NBAS: variants seen among roughly 807,000 people sequenced by gnomAD.
The protein encoded by NBAS is NBAS subunit of NRZ tethering complex, also known as NAG/BC035112 fusion.
In NBAS, 219 loss-of-function variants were observed where a neutral mutation model predicts 302.5. The ratio of observed to expected loss-of-function variants is 0.72; its 90% confidence interval spans 0.65 to 0.81. NBAS has a LOEUF of 0.81. Ranked by LOEUF, NBAS falls within the 30% of genes least tolerant of loss-of-function variation. The pLI is 0.00. For missense variants in NBAS, 2,932 were observed against 2,841.6 expected (o/e 1.03, Z -0.72); for synonymous variants, 1,118 against 1,021.6 (o/e 1.09, Z -1.80).
At chr2:14,833,303 C>T in the NBAS span, among the ~76,000 whole-genome samples, 2 of 152,116 alleles carry the variant, frequency 1.3e-5, no homozygotes, top group South Asian at 4.2e-4. Context: ...TCCCACTTGC[C>T]AGGGCAGGGT....
chr2:15,504,201 G>T lies in NBAS; in HGVS notation c.898C>A (p.Leu300Met). The T allele has an allele frequency of 6.2e-7, 1 of 1,612,334 alleles. No individual in the cohort carries two copies. Among genetic ancestry groups the T allele is most frequent in the South Asian group, 1.1e-5 (1 of 91,050 alleles). ...ACACTTAACATCCTTAATAATCCCA[G>T]TGTCTTCGGTACCTGCAAAATAAAT... ...GDGVTAVPKT[L>M]GLLRMLSVKF... The change falls in exon 11 of 52, where the codon CTG becomes ATG. Residue 300 changes from leucine (L) to methionine (M), a missense_variant. By Grantham distance (15) the Leu-to-Met change is conservative. Coordinates refer to ENST00000281513, the MANE Select transcript of NBAS (RefSeq NM_015909.4).
At chr2:15,522,141 C>G (rs13384185) in intron 9 of NBAS, among the ~76,000 whole-genome samples, 3,947 of 152,234 alleles carry the variant, frequency 0.026, 187 homozygotes, top group African/African-American at 0.091. Flanking sequence ...AGTAAATGAT[C>G]AGAGTAGTAC....
chr2:15,557,340 G>A (rs1026071914), intron 2 of NBAS, among the ~76,000 whole-genome samples: 2 of 151,932 alleles, frequency 1.3e-5, no homozygotes, highest in Non-Finnish European at 2.9e-5. Flanking sequence ...TATGCAGTTA[G>A]GTATATATCA....
intron 30 of NBAS, among the ~76,000 whole-genome samples, chr2:15,375,687 A>G (rs1370107062): frequency 6.6e-6 from 1 of 152,226 alleles, no homozygotes; most frequent in South Asian, 2.1e-4. Flanking sequence ...AATAAATTCT[A>G]AATTACAAAT....
chr2:15,243,859 A>T (rs1667969984), intron 44 of NBAS, among the ~76,000 whole-genome samples: 1 of 152,168 alleles, frequency 6.6e-6, no homozygotes, highest in Non-Finnish European at 1.5e-5. Flanking sequence ...CTAATTCTAG[A>T]CCCCATGAGT....
the NBAS span, among the ~76,000 whole-genome samples, chr2:14,926,537 G>C: frequency 2.6e-5 from 4 of 152,188 alleles, no homozygotes; most frequent in Admixed American, 1.3e-4. Flanking sequence ...GTATGAAATA[G>C]AGGATCAATA....
intron 6 of NBAS, among the ~76,000 whole-genome samples, chr2:15,548,773 C>T (rs1434225530): frequency 6.6e-6 from 1 of 151,210 alleles, no homozygotes; most frequent in South Asian, 2.1e-4. Context: ...GGAGGAGAGC[C>T]GATGCTTGAT....
At chr2:14,830,471 A>C in the NBAS span, among the ~76,000 whole-genome samples, 1 of 152,124 alleles carries the variant, frequency 6.6e-6, no homozygotes, top group Non-Finnish European at 1.5e-5. Flanking sequence ...TTGGTTTTGC[A>C]AGTTAGGAAG....
the NBAS span, among the ~76,000 whole-genome samples, chr2:14,962,833 C>T: frequency 6.6e-6 from 1 of 151,770 alleles, no homozygotes; most frequent in Non-Finnish European, 1.5e-5. Flanking sequence ...TCATAAAAGG[C>T]TTGTAATAAA....
At chr2:15,464,076 C>A (rs920929803) in intron 19 of NBAS, among the ~76,000 whole-genome samples, 1 of 152,092 alleles carries the variant, frequency 6.6e-6, no homozygotes, top group Non-Finnish European at 1.5e-5. Flanking sequence ...ACATCGGGCT[C>A]ATCACACCAC....
chr2:14,894,418 TTGAC>T, the NBAS span, among the ~76,000 whole-genome samples: 1 of 152,190 alleles, frequency 6.6e-6, no homozygotes, highest in East Asian at 1.9e-4. Flanking sequence ...TCTGATATGT[TTGAC>T]TGCATTGACA....
chr2:15,281,594 A>G lies in NBAS; in HGVS notation c.5139-4493T>C, dbSNP rs528749440. Among the ~76,000 whole-genome samples, 11 of 152,278 alleles carry G rather than the reference A, an allele frequency of 7.2e-5. No homozygotes were observed. In the South Asian group the frequency reaches 2.1e-3, roughly 29 times the overall value. On this transcript the variant is annotated intron_variant, in intron 42 of 51. Coordinates refer to ENST00000281513, the MANE Select transcript of NBAS (RefSeq NM_015909.4). ...CAGGTATTCTGAATAAATCTCTTCA[A>G]TCTCACAGCAGTTCTGCAAAATGGG...
intron 19 of NBAS, among the ~76,000 whole-genome samples, chr2:15,466,205 A>G (rs750542751): frequency 2.6e-5 from 4 of 152,172 alleles, no homozygotes; most frequent in Non-Finnish European, 4.4e-5. Flanking sequence ...ATTTGCCTGC[A>G]TGGTCAGACG....
intron 21 of NBAS, among the ~76,000 whole-genome samples, chr2:15,440,605 T>TCC (rs1678331920): frequency 1.3e-5 from 2 of 152,114 alleles, no homozygotes; most frequent in African/African-American, 4.8e-5. Flanking sequence ...AGAGCAACTC[T>TCC]CCTCCTCCAA....
rs373212115 is a variant in NBAS at position 15,402,321 on chromosome 2, T to C, written c.2938-20A>G. ...CTGCAGCTACAGAAAATAAAGTATG[T>C]TGTACTAAATGTCAACAGATTTATA... is the stretch of plus-strand genomic sequence containing the variant. On this transcript the variant is annotated intron_variant, in intron 25 of 51. Transcript: ENST00000281513. 5.6e-6 allele frequency: 9 copies of C among 1,612,570 alleles called. No individual in the cohort carries two copies. Among genetic ancestry groups the C allele is most frequent in the African/African-American group, 2.7e-5 (2 of 74,876 alleles).
chr2:14,921,552 A>G, the NBAS span, among the ~76,000 whole-genome samples: 8 of 152,242 alleles, frequency 5.3e-5, no homozygotes, highest in Non-Finnish European at 7.3e-5. Flanking sequence ...AAATGCAAAC[A>G]CCTGGGAGCT....
At chr2:15,067,242 G>A in the NBAS span, among the ~76,000 whole-genome samples, 1 of 151,592 alleles carries the variant, frequency 6.6e-6, no homozygotes, top group African/African-American at 2.4e-5. Context: ...CTACTCAGGA[G>A]GCTGATGGGG....
intron 40 of NBAS, 61 bp from the exon 41 acceptor site, chr2:15,292,827 T>TAAC (rs370666934): frequency 9.6e-4 from 1,420 of 1,476,868 alleles, no homozygotes; most frequent in Middle Eastern, 1.2e-3. Flanking sequence ...AGCAAGTGAG[T>TAAC]AACAAATGGA....
In NBAS at chr2:15,330,592, G is replaced by A. The variant is rs774354094; in HGVS notation, c.4347+6C>T. 2 of 1,613,616 alleles carry A rather than the reference G, an allele frequency of 1.2e-6. No individual in the cohort carries two copies. Among genetic ancestry groups the A allele is most frequent in the South Asian group, 1.1e-5 (1 of 91,036 alleles). On this transcript the variant is annotated splice_donor_region_variant and intron_variant, in intron 36 of 51. Transcript: ENST00000281513. ...TTGATTTTAAAAAGAAAGATGCACT[G>A]CTTACCTGAAGGGGTCGAAGGTAAG...
Sources: gnomAD v4.1 joint callset for allele counts (sites outside exome capture counted in the v4.1 genomes callset) on GRCh38, gnomAD v4.1.1 for gene constraint, MANE v1.5 for transcripts, NCBI Gene and HGNC (gene_info 2026-07-23, HGNC 2026-07-21) for gene names.